The following PCDHA13 variants were observed in gnomAD, a reference collection of about 807,000 sequenced individuals.
The protein encoded by PCDHA13 is protocadherin alpha 13, also known as protocadherin alpha-13.
Under a neutral mutation model 64.8 loss-of-function variants are expected in PCDHA13, and 54 were observed. The ratio of observed to expected loss-of-function variants is 0.83; its 90% CI spans 0.67 to 1.04. PCDHA13 has a LOEUF of 1.04. PCDHA13 is among the 50% of genes least tolerant of loss of function. PCDHA13 has a pLI of 0.00. For missense variants in PCDHA13, 1,248 were observed against 1,254.3 expected (o/e 0.99, Z 0.08); for synonymous variants, 587 against 564.4 (o/e 1.04, Z -0.57).
chr5:140,944,807 A>T (rs1472832230), intron 1 of PCDHA13, among the ~76,000 whole-genome samples: 1 of 152,214 alleles, frequency 6.6e-6, no homozygotes, highest in Non-Finnish European at 1.5e-5. Context: ...TCGAGGGTCC[A>T]CAGTGATCTT....
rs538322622 is a variant in PCDHA13 at position 140,884,083 on chromosome 5, G to T, written c.1815G>T (p.Ala605=). 35 of 1,613,596 alleles carry T rather than the reference G, an allele frequency of 2.2e-5. No individual in the cohort carries two copies. The South Asian group carries it at 3.6e-4, about 17-fold the overall frequency. Residue 605 remains alanine (A), a synonymous_variant, in exon 1 of 4, where the codon GCG becomes GCT. Coordinates refer to ENST00000289272, the MANE Select transcript of PCDHA13 (RefSeq NM_018904.3). The stretch of plus-strand genomic sequence containing the variant: ...TGGACGCCGATTCGGGCTACAATGC[G>T]TGGCTTTCGTATGAATTGCAGCTGG... ...RAVDADSGYN[A]WLSYELQLAA...
At chr5:140,887,048 A>G (rs997240150) in intron 1 of PCDHA13, among the ~76,000 whole-genome samples, 21 of 152,068 alleles carry the variant, frequency 1.4e-4, no homozygotes, top group Admixed American at 1.4e-3. Context: ...TTTATAGTGC[A>G]TATGTTCTGG....
At chr5:140,892,595 A>G (rs1424989273) in intron 1 of PCDHA13, among the ~76,000 whole-genome samples, 1 of 151,958 alleles carries the variant, frequency 6.6e-6, no homozygotes, top group African/African-American at 2.4e-5. Flanking sequence ...TCATTCACCT[A>G]TTTTTTTCCT....
At chr5:140,902,729 C>T (rs1554190627) in intron 1 of PCDHA13, among the ~76,000 whole-genome samples, 1 of 152,068 alleles carries the variant, frequency 6.6e-6, no homozygotes, top group East Asian at 1.9e-4. Flanking sequence ...CCCTTCCCTC[C>T]AAGTCCCCCA....
rs1165097192 is a variant in PCDHA13, at chr5:140,945,230, A to G, written c.2395-33719A>G. Among the ~76,000 whole-genome samples the G allele has an allele frequency of 2.6e-5, 4 of 152,290 alleles. No individual in the cohort carries two copies. In the East Asian group the frequency reaches 7.7e-4, roughly 29 times the overall value. On this transcript the variant is annotated intron_variant, in intron 1 of 3. Transcript: ENST00000289272. ...TATGAGAAAATAAAAATACTTAGGA[A>G]TAAATTTAACCAAGAGGATGAAAGA...
intron 1 of PCDHA13, among the ~76,000 whole-genome samples, chr5:140,941,374 T>C (rs1188935172): frequency 6.7e-6 from 1 of 148,216 alleles, no homozygotes; most frequent in African/African-American, 2.5e-5. Flanking sequence ...TGGAGTGTAG[T>C]GACAGGATTT....
At chr5:140,921,538 A>C (rs572073676) in intron 1 of PCDHA13, among the ~76,000 whole-genome samples, 2 of 152,344 alleles carry the variant, frequency 1.3e-5, no homozygotes, top group Admixed American at 6.5e-5. Flanking sequence ...CTGATAGAAC[A>C]TTCTGCAAAA....
At chr5:140,921,943 T>C (rs2080514176) in intron 1 of PCDHA13, among the ~76,000 whole-genome samples, 1 of 151,972 alleles carries the variant, frequency 6.6e-6, no homozygotes, top group South Asian at 2.1e-4. Context: ...AATTTTACAC[T>C]TGTAAAATCC....
chr5:140,887,047 C>G (rs530605993), intron 1 of PCDHA13, among the ~76,000 whole-genome samples: 1 of 151,882 alleles, frequency 6.6e-6, no homozygotes, highest in African/African-American at 2.4e-5. Flanking sequence ...TTTTATAGTG[C>G]ATATGTTCTG....
At chr5:140,990,737 C>T (rs2097410697) in intron 3 of PCDHA13, among the ~76,000 whole-genome samples, 1 of 152,162 alleles carries the variant, frequency 6.6e-6, no homozygotes, top group African/African-American at 2.4e-5. Context: ...ATCAACAGCC[C>T]TAGGGTGGAT....
At chr5:140,998,389 C>T (rs1386157244) in intron 3 of PCDHA13, among the ~76,000 whole-genome samples, 3 of 152,128 alleles carry the variant, frequency 2.0e-5, no homozygotes, top group Non-Finnish European at 4.4e-5. Flanking sequence ...AAGTTTAATG[C>T]CATCTTTATG....
At chr5:140,974,931 A>G (rs555720345) in intron 1 of PCDHA13, among the ~76,000 whole-genome samples, 1 of 152,324 alleles carries the variant, frequency 6.6e-6, no homozygotes, top group African/African-American at 2.4e-5. Context: ...TGTTTAAAAC[A>G]CCACCTATTT....
At chr5:140,909,850 C>T (rs181576128) in intron 1 of PCDHA13, among the ~76,000 whole-genome samples, 30 of 152,294 alleles carry the variant, frequency 2.0e-4, no homozygotes, top group Admixed American at 5.9e-4. Flanking sequence ...AGGACGTTTT[C>T]GGTCCCCTGG....
intron 1 of PCDHA13, among the ~76,000 whole-genome samples, chr5:140,941,250 T>TCCTTCCTTC (rs1441496906): frequency 7.2e-6 from 1 of 139,474 alleles, no homozygotes; most frequent in East Asian, 2.1e-4. Context: ...TTTCTTTCTT[T>TCCTTCCTTC]CTTTCTCTTT....
At position 140,884,384 on chromosome 5, in the gene PCDHA13, G is replaced by T. The variant is rs782701367; in HGVS notation, c.2116G>T (p.Ala706Ser). The T allele has an allele frequency of 6.2e-7, 1 of 1,613,972 alleles. No homozygotes were observed. Residue 706 changes from alanine to serine, a missense_variant, in exon 1 of 4, where the codon GCG becomes TCG. Ala to Ser is a moderately conservative substitution (Grantham distance 99). Transcript: ENST00000289272. ...VNVYLIIAIC[A>S]VSSLLVLTLL... ...TGTTTACTTGATCATTGCCATCTGCGCGGTGTCCAGCCTGTTGGTGCTCAC... is the reference window on the plus strand; with the variant it reads ...TGTTTACTTGATCATTGCCATCTGCTCGGTGTCCAGCCTGTTGGTGCTCAC...
intron 1 of PCDHA13, among the ~76,000 whole-genome samples, chr5:140,961,983 A>C (rs941028423): frequency 1.3e-5 from 2 of 151,532 alleles, no homozygotes; most frequent in Non-Finnish European, 2.9e-5. Context: ...TCCTGGGTTC[A>C]CGCCATTGTC....
At chr5:140,999,454 A>G (rs1467435215) in intron 3 of PCDHA13, among the ~76,000 whole-genome samples, 1 of 152,206 alleles carries the variant, frequency 6.6e-6, no homozygotes, top group African/African-American at 2.4e-5. Context: ...CGTTCAACGA[A>G]TAAGTGGTGA....
intron 1 of PCDHA13, among the ~76,000 whole-genome samples, chr5:140,906,717 T>G (rs566025860): frequency 6.6e-6 from 1 of 152,320 alleles, no homozygotes; most frequent in African/African-American, 2.4e-5. Context: ...CTGCCTGGAT[T>G]GTGCTGTTGT....
chr5:140,924,274 T>C (rs904028474), intron 1 of PCDHA13, among the ~76,000 whole-genome samples: 1 of 152,232 alleles, frequency 6.6e-6, no homozygotes, highest in East Asian at 1.9e-4. Flanking sequence ...TCTGTACTTG[T>C]GACTACCTAA....
Sources: gnomAD v4.1 joint callset for allele counts (sites outside exome capture counted in the v4.1 genomes callset) on GRCh38, gnomAD v4.1.1 for gene constraint, MANE v1.5 for transcripts, NCBI Gene and HGNC (gene_info 2026-07-23, HGNC 2026-07-21) for gene names.